Variants in PLCB4 observed in about 807,000 individuals in gnomAD.
PLCB4 encodes the protein phospholipase C beta 4, also known as 1-phosphatidylinositol 4,5-bisphosphate phosphodiesterase beta-4.
In PLCB4, 77 loss-of-function variants were observed where a neutral mutation model predicts 178.8. The observed-to-expected ratio is 0.43, with a 90% CI of 0.36 to 0.52. The LOEUF is 0.52. PLCB4 is among the 20% of genes least tolerant of loss of function. PLCB4 has a pLI of 0.00. For missense variants in PLCB4, 1,024 were observed against 1,453.4 expected, an observed-to-expected ratio of 0.70 and a Z score of 4.80; for synonymous variants, 496 against 490.8, an observed-to-expected ratio of 1.01 and a Z score of -0.14.
At chr20:9,153,506 A>AAG (rs2092727565) in intron 2 of PLCB4, among the ~76,000 whole-genome samples, 1 of 152,140 alleles carries the variant, frequency 6.6e-6, no homozygotes. Flanking sequence ...GCCATGTAAG[A>AAG]AGTGCCTTTC....
intron 3 of PLCB4, among the ~76,000 whole-genome samples, chr20:9,287,761 A>G (rs2094547575): frequency 6.6e-6 from 1 of 152,108 alleles, no homozygotes; most frequent in Non-Finnish European, 1.5e-5. Context: ...ACTTTGTTCT[A>G]TAAACTGCAG....
intron 2 of PLCB4, among the ~76,000 whole-genome samples, chr20:9,212,148 G>A (rs2093679682): frequency 6.6e-6 from 1 of 152,178 alleles, no homozygotes; most frequent in Non-Finnish European, 1.5e-5. Flanking sequence ...CTTGTGCTTT[G>A]GGGCCTGCCT....
At chr20:9,151,977 T>C (rs974395518) in intron 2 of PLCB4, among the ~76,000 whole-genome samples, 1 of 152,132 alleles carries the variant, frequency 6.6e-6, no homozygotes, top group Admixed American at 6.6e-5. Context: ...GTGACTCTTA[T>C]TATGTTTTGG....
In PLCB4 at chr20:9,455,712, C is replaced by T. The variant is rs534976540; in HGVS notation, c.2997-1702C>T. ...CTCCTAGCAGGCTCTTCACACAGAGCATTTCCAAGTACTCTAAAGAGTAGA... is the reference window on the plus strand; with the variant it reads ...CTCCTAGCAGGCTCTTCACACAGAGTATTTCCAAGTACTCTAAAGAGTAGA... On this transcript the variant is annotated intron_variant, in intron 33 of 39. Coordinates refer to ENST00000378473, the MANE Select transcript of PLCB4 (RefSeq NM_001377142.1). Among the ~76,000 whole-genome samples, 53 of 152,290 alleles carry T rather than the reference C, an allele frequency of 3.5e-4. 2 individuals carry two copies. The South Asian group carries it at 0.011, about 31-fold the overall frequency.
intron 2 of PLCB4, among the ~76,000 whole-genome samples, chr20:9,195,253 A>C (rs1021504335): frequency 1.3e-5 from 2 of 152,204 alleles, no homozygotes; most frequent in African/African-American, 4.8e-5. Context: ...AGTTGGTGTT[A>C]AAATGTAGAT....
At position 9,132,618 on chromosome 20, in the gene PLCB4, C is replaced by G. The variant is rs1394888845; in HGVS notation, c.-79+36276C>G. ...AGATCCAGTTGAGAGTGCTGACACT[C>G]TTGATATCCTTATAAAAGTGCTTGT... On this transcript the variant is annotated intron_variant, in intron 2 of 39. Coordinates refer to ENST00000378473, the MANE Select transcript of PLCB4 (RefSeq NM_001377142.1). Among the ~76,000 whole-genome samples, 4 of 152,316 alleles carry G rather than the reference C, an allele frequency of 2.6e-5. No homozygotes were observed. The East Asian group carries it at 7.7e-4, about 29-fold the overall frequency.
At chr20:9,334,970 TG>T in intron 4 of PLCB4, among the ~76,000 whole-genome samples, 1 of 152,250 alleles carries the variant, frequency 6.6e-6, no homozygotes, top group South Asian at 2.1e-4. Context: ...CAAAATAAGT[TG>T]GAAACCCATT....
chr20:9,358,898 C>CA (rs1211673180), intron 7 of PLCB4, among the ~76,000 whole-genome samples: 1 of 151,800 alleles, frequency 6.6e-6, no homozygotes, highest in Non-Finnish European at 1.5e-5. Flanking sequence ...GACTCCATCT[C>CA]AAAAAAACAA....
intron 25 of PLCB4, among the ~76,000 whole-genome samples, chr20:9,413,613 C>T (rs2040023857): frequency 6.8e-6 from 1 of 148,138 alleles, no homozygotes; most frequent in Admixed American, 6.8e-5. Context: ...GAGCCAAGAT[C>T]GTGCCACTGC....
chr20:9,294,398 A>C (rs1316810475), intron 3 of PLCB4, among the ~76,000 whole-genome samples: 1 of 152,144 alleles, frequency 6.6e-6, no homozygotes, highest in Non-Finnish European at 1.5e-5. Flanking sequence ...GCTTGAAAAA[A>C]AATGGTTGAG....
At chr20:9,118,109 T>A (rs1183064102) in intron 2 of PLCB4, among the ~76,000 whole-genome samples, 1 of 152,012 alleles carries the variant, frequency 6.6e-6, no homozygotes, top group Non-Finnish European at 1.5e-5. Context: ...AAAGGTTACA[T>A]GTGCACATTG....
At chr20:9,316,844 C>A (rs1444450989) in intron 4 of PLCB4, among the ~76,000 whole-genome samples, 1 of 152,168 alleles carries the variant, frequency 6.6e-6, no homozygotes, top group Non-Finnish European at 1.5e-5. Flanking sequence ...TTCCTCTAGA[C>A]CAGCCTTTGA....
At chr20:9,262,624 T>A (rs1225025465) in intron 3 of PLCB4, among the ~76,000 whole-genome samples, 1 of 152,132 alleles carries the variant, frequency 6.6e-6, no homozygotes, top group Non-Finnish European at 1.5e-5. Flanking sequence ...TCCTTGTAAA[T>A]GACTTGCAGA....
At chr20:9,248,722 T>G (rs2094149865) in intron 3 of PLCB4, among the ~76,000 whole-genome samples, 1 of 152,234 alleles carries the variant, frequency 6.6e-6, no homozygotes, top group Non-Finnish European at 1.5e-5. Context: ...GTCAGAAATA[T>G]GTCTTCAAAT....
intron 2 of PLCB4, among the ~76,000 whole-genome samples, chr20:9,206,946 A>G (rs1030667097): frequency 3.9e-5 from 6 of 152,112 alleles, no homozygotes; most frequent in Admixed American, 6.6e-5. Context: ...GTGAAACCCC[A>G]TCTCTACTAA....
In PLCB4 at chr20:9,389,840, G is replaced by T. The variant is rs202135804; in HGVS notation, c.1159-39G>T. ...TAGTTTTGGGTGCCTTAATTTTTTTGCTCTTTTCTCTCATTAACGTTTTTT... is the reference window on the plus strand; with the variant it reads ...TAGTTTTGGGTGCCTTAATTTTTTTTCTCTTTTCTCTCATTAACGTTTTTT... On this transcript the variant is annotated intron_variant, in intron 15 of 39. Coordinates refer to ENST00000378473, the MANE Select transcript of PLCB4 (RefSeq NM_001377142.1). 7 of 1,107,318 alleles carry T rather than the reference G, an allele frequency of 6.3e-6. No homozygotes were observed. In the Admixed American group the frequency reaches 9.4e-5, roughly 15 times the overall value. The allele number at this position is 1,107,318 out of a possible 1,614,324, so 68.6% of individuals were successfully genotyped here.
intron 19 of PLCB4, among the ~76,000 whole-genome samples, chr20:9,399,288 A>C (rs1416967079): frequency 6.6e-6 from 1 of 152,198 alleles, no homozygotes; most frequent in Non-Finnish European, 1.5e-5. Flanking sequence ...AGAATCATCC[A>C]CCTAGATGGC....
intron 2 of PLCB4, among the ~76,000 whole-genome samples, chr20:9,134,317 T>G (rs549841022): frequency 6.6e-6 from 1 of 152,354 alleles, no homozygotes; most frequent in South Asian, 2.1e-4. Flanking sequence ...TCCTTCTTGG[T>G]AATGTACTGT....
At chr20:9,331,882 A>G (rs1046980873) in intron 4 of PLCB4, among the ~76,000 whole-genome samples, 1 of 152,116 alleles carries the variant, frequency 6.6e-6, no homozygotes, top group African/African-American at 2.4e-5. Flanking sequence ...AGCAATGGTG[A>G]TCTCCAGCAA....
Sources: allele counts gnomAD v4.1 joint callset (sites outside exome capture counted in the v4.1 genomes callset), GRCh38; gene constraint gnomAD v4.1.1; transcripts MANE v1.5; gene names NCBI Gene and HGNC (gene_info 2026-07-23, HGNC 2026-07-21).